Variants in FAM120B observed in about 807,000 individuals in gnomAD.
The protein encoded by FAM120B is family with sequence similarity 120 member B.
In FAM120B, 83 loss-of-function variants were observed where a neutral mutation model predicts 96.3. That is an observed-to-expected ratio of 0.86 (90% confidence interval 0.72 to 1.03). The LOEUF is 1.03. FAM120B is among the 50% of genes least tolerant of loss of function. The pLI, the probability that FAM120B is intolerant of heterozygous loss-of-function variation, is 0.00. For synonymous variants in FAM120B, 407 were observed against 402.7 expected (o/e 1.01, Z -0.13); for missense variants, 1,027 against 1,121.2 (o/e 0.92, Z 1.20).
chr6:170,291,024 C>G, upstream of FAM120B: 1 of 702,076 alleles, frequency 1.4e-6, no homozygotes, highest in Non-Finnish European at 2.6e-6. Flanking sequence ...CGAGAGCTGT[C>G]ACAAAGGAGC....
chr6:170,391,653 G>A (rs1790485722), intron 8 of FAM120B, among the ~76,000 whole-genome samples: 1 of 152,202 alleles, frequency 6.6e-6, no homozygotes, highest in East Asian at 1.9e-4. Flanking sequence ...CTCTGCATGT[G>A]TAACCTCCTT....
intron 3 of FAM120B, among the ~76,000 whole-genome samples, chr6:170,330,039 C>T (rs1372069545): frequency 6.6e-6 from 1 of 152,140 alleles, no homozygotes; most frequent in Admixed American, 6.5e-5. Context: ...TCAGTTACAC[C>T]CACTGTCTTC....
At chr6:170,355,623 T>G (rs994996147) in intron 5 of FAM120B, among the ~76,000 whole-genome samples, 1 of 152,118 alleles carries the variant, frequency 6.6e-6, no homozygotes, top group East Asian at 1.9e-4. Flanking sequence ...ATGCTGGGCT[T>G]GATACCTAGG....
At chr6:170,364,071 G>T (rs1788629246) in intron 6 of FAM120B, among the ~76,000 whole-genome samples, 1 of 152,090 alleles carries the variant, frequency 6.6e-6, no homozygotes. Flanking sequence ...GTTTTTTTGG[G>T]ATGTGGCTAT....
chr6:170,391,118 G>A lies in FAM120B; in HGVS notation c.2596G>A (p.Ala866Thr), dbSNP rs900275467. 6 of 1,612,446 alleles carry A rather than the reference G, an allele frequency of 3.7e-6. No homozygotes were observed. In the African/African-American group the frequency reaches 5.3e-5, roughly 14 times the overall value. Residue 866 changes from alanine (A) to threonine (T), a missense_variant, in exon 8 of 11, where the codon GCA becomes ACA. Physicochemically the swap from Ala to Thr is moderately conservative, Grantham distance 58 (BLOSUM62 0). Transcript: ENST00000476287. Reference protein sequence around the residue: ...TGRAHWGSHHAGRWGRQGSSY... With the variant: ...TGRAHWGSHHTGRWGRQGSSY... ...CCGAGCCCACTGGGGCTCACACCACGCAGGTGGGAAAGGGCCAGGTGCCTC... is the reference window on the plus strand; with the variant it reads ...CCGAGCCCACTGGGGCTCACACCACACAGGTGGGAAAGGGCCAGGTGCCTC...
At chr6:170,313,844 G>C (rs1039954624) in intron 1 of FAM120B, among the ~76,000 whole-genome samples, 8 of 152,212 alleles carry the variant, frequency 5.3e-5, no homozygotes, top group African/African-American at 1.9e-4. Context: ...CTGTTAAGGT[G>C]GTTACAGCAG....
chr6:170,323,284 G>A (rs768155798), intron 3 of FAM120B, 25 bp downstream of exon 3: 3 of 1,590,874 alleles, frequency 1.9e-6, no homozygotes, highest in Non-Finnish European at 2.6e-6. Context: ...GTCCCTCTTA[G>A]TAAAGGTTCT....
chr6:170,389,258 G>A (rs550912325), intron 7 of FAM120B, among the ~76,000 whole-genome samples: 18 of 152,264 alleles, frequency 1.2e-4, no homozygotes, highest in Admixed American at 3.3e-4. Context: ...ACAATAGCCC[G>A]AAAGTAATTT....
chr6:170,401,029 G>C (rs1226793988), intron 9 of FAM120B, among the ~76,000 whole-genome samples: 1 of 152,222 alleles, frequency 6.6e-6, no homozygotes, highest in African/African-American at 2.4e-5. Flanking sequence ...TTCCGATTCT[G>C]TTAGCAGAGA....
chr6:170,401,826 A>G (rs1489347103), intron 9 of FAM120B, among the ~76,000 whole-genome samples: 1 of 152,258 alleles, frequency 6.6e-6, no homozygotes, highest in East Asian at 1.9e-4. Context: ...AAAATCTGAA[A>G]AAAATCTGAA....
intron 4 of FAM120B, among the ~76,000 whole-genome samples, chr6:170,339,596 G>A (rs1418666049): frequency 2.0e-5 from 3 of 151,904 alleles, no homozygotes; most frequent in Non-Finnish European, 4.4e-5. Flanking sequence ...TGGCTAATAT[G>A]GTGAAACCTT....
chr6:170,315,283 G>A (rs933795393), intron 1 of FAM120B, among the ~76,000 whole-genome samples: 6 of 152,188 alleles, frequency 3.9e-5, no homozygotes, highest in Admixed American at 1.3e-4. Context: ...CAGGCATAGA[G>A]CAGTCGTCTA....
intron 9 of FAM120B, among the ~76,000 whole-genome samples, chr6:170,403,566 C>T (rs1778691180): frequency 6.6e-6 from 1 of 152,184 alleles, no homozygotes; most frequent in South Asian, 2.1e-4. Flanking sequence ...GGAGCCTGGC[C>T]TGAACTCTCT....
chr6:170,358,198 AAC>A (rs1403396533), intron 5 of FAM120B, 26 bp from the exon 6 acceptor site: 1 of 1,548,998 alleles, frequency 6.5e-7, no homozygotes. Context: ...CCTGTAGCCT[AAC>A]ACTGGCCTTT....
At position 170,355,839 on chromosome 6, in the gene FAM120B, T is replaced by G. The variant is rs146602038; in HGVS notation, c.2191-2387T>G. Reference sequence around the variant, plus strand: ...TCTAATAATCTACAGGTGTCTGTAGTTAACGTTGAGTCATAGTGGGACTTG... The same window carrying G: ...TCTAATAATCTACAGGTGTCTGTAGGTAACGTTGAGTCATAGTGGGACTTG... On this transcript the variant is annotated intron_variant, in intron 5 of 10. Coordinates refer to ENST00000476287, the MANE Select transcript of FAM120B (RefSeq NM_032448.3). Among the ~76,000 whole-genome samples, 14 of 152,316 alleles carry G rather than the reference T, an allele frequency of 9.2e-5. No homozygotes were observed. In the East Asian group the frequency reaches 2.7e-3, roughly 29 times the overall value.
rs1303721505 is a variant in FAM120B, at chr6:170,379,975, C to A, written c.2284-8312C>A. Among the ~76,000 whole-genome samples the A allele has an allele frequency of 3.9e-5, 6 of 152,186 alleles. No homozygotes were observed. In the South Asian group the frequency reaches 1.2e-3, roughly 31 times the overall value. On this transcript the variant is annotated intron_variant, in intron 6 of 10. Coordinates refer to ENST00000476287, the MANE Select transcript of FAM120B (RefSeq NM_032448.3). ...CTCCAGACCCATTCATCCCACATAA[C>A]TGCAACTCTGTCCTTGGACTCACTT...
At chr6:170,355,824 T>C (rs1369630234) in intron 5 of FAM120B, among the ~76,000 whole-genome samples, 1 of 152,236 alleles carries the variant, frequency 6.6e-6, no homozygotes, top group Non-Finnish European at 1.5e-5. Context: ...TCTAATAATC[T>C]ACAGGTGTCT....
rs1790299230 is a variant in FAM120B at position 170,388,208 on chromosome 6, A to G, written c.2284-79A>G. ...AGTGAGCATCCGTTCTGAGCAGAGT[A>G]ACTTTGCAGAGCTGAGATCTGTTTC... On this transcript the variant is annotated intron_variant, in intron 6 of 10. Coordinates refer to ENST00000476287, the MANE Select transcript of FAM120B (RefSeq NM_032448.3). 4 of 1,220,914 alleles carry G rather than the reference A, an allele frequency of 3.3e-6. No individual in the cohort carries two copies. The South Asian group carries it at 5.0e-5, about 15-fold the overall frequency. 75.6% of individuals were successfully genotyped at this position (1,220,914 alleles called of 1,614,324 possible).
intron 4 of FAM120B, among the ~76,000 whole-genome samples, chr6:170,339,478 T>A (rs1279601784): frequency 2.6e-5 from 4 of 151,872 alleles, no homozygotes; most frequent in Non-Finnish European, 5.9e-5. Flanking sequence ...AAATTCTGAG[T>A]TGAAAATTCT....
Sources: allele counts gnomAD v4.1 joint callset (sites outside exome capture counted in the v4.1 genomes callset), GRCh38; gene constraint gnomAD v4.1.1; transcripts MANE v1.5; gene names NCBI Gene and HGNC (gene_info 2026-07-23, HGNC 2026-07-21).